The following CPLX1 variants were observed in gnomAD, a reference collection of about 807,000 sequenced individuals.
CPLX1 encodes the protein complexin-1.
CPLX1 carries 6 observed loss-of-function variants against 15.6 expected under a neutral mutation model. The observed-to-expected ratio is 0.39, with a 90% CI of 0.21 to 0.76. The LOEUF (loss-of-function observed/expected upper bound fraction) is 0.76, where lower values mean the gene tolerates loss of function less well. Ranked by LOEUF, CPLX1 falls within the 30% of genes least tolerant of loss-of-function variation. The pLI is 0.43. For synonymous variants in CPLX1, 91 were observed against 75.2 expected (o/e 1.21, Z -1.08); for missense variants, 242 against 188.6 (o/e 1.28, Z -1.66).
intron 2 of CPLX1, among the ~76,000 whole-genome samples, chr4:821,446 G>A (rs1746861204): frequency 6.6e-6 from 1 of 152,192 alleles, no homozygotes; most frequent in Non-Finnish European, 1.5e-5. Flanking sequence ...CCGAGGACCT[G>A]AGCGTGTTTA....
rs1746867143 is a variant in CPLX1 at position 821,756 on chromosome 4, C to A, written c.31+2736G>T. On this transcript the variant is annotated intron_variant, in intron 2 of 3. Coordinates refer to ENST00000304062, the MANE Select transcript of CPLX1 (RefSeq NM_006651.4). The stretch of plus-strand genomic sequence containing the variant: ...CCTCCCGCTCCCCCACGAGCGATCA[C>A]CCCGGCAGCCACCATGCTCCCTTCC... Among the ~76,000 whole-genome samples the A allele has an allele frequency of 5.3e-5, 8 of 152,228 alleles. No homozygotes were observed. The South Asian group carries it at 1.7e-3, about 31-fold the overall frequency.
At chr4:825,512 G>A (rs1037958503) in intron 1 of CPLX1, among the ~76,000 whole-genome samples, 1 of 151,814 alleles carries the variant, frequency 6.6e-6, no homozygotes, top group Non-Finnish European at 1.5e-5. Context: ...GCCGGGCCCC[G>A]CAGACCCGCA....
At chr4:808,073 C>G (rs1182402328) in intron 2 of CPLX1, among the ~76,000 whole-genome samples, 1 of 151,996 alleles carries the variant, frequency 6.6e-6, no homozygotes, top group African/African-American at 2.4e-5. Flanking sequence ...CAAGATCAGT[C>G]TGGGTAACAT....
intron 2 of CPLX1, among the ~76,000 whole-genome samples, chr4:805,181 G>A (rs1746534803): frequency 6.6e-6 from 1 of 152,246 alleles, no homozygotes; most frequent in South Asian, 2.1e-4. Context: ...AGAGCCACAG[G>A]CAGACAAACG....
chr4:802,182 C>A (rs1348731270), intron 2 of CPLX1, among the ~76,000 whole-genome samples: 3 of 152,252 alleles, frequency 2.0e-5, no homozygotes, highest in Non-Finnish European at 4.4e-5. Flanking sequence ...AATAGACAAA[C>A]TGTGGTATGT....
At chr4:787,119 G>A (rs1746021168) in intron 3 of CPLX1, 1 of 985,424 alleles carries the variant, frequency 1.0e-6, no homozygotes, top group African/African-American at 1.7e-5. Flanking sequence ...CTCCTGCCCA[G>A]TGCCTGGTCC....
chr4:823,928 C>T (rs373135364), intron 2 of CPLX1, among the ~76,000 whole-genome samples: 8 of 152,366 alleles, frequency 5.3e-5, no homozygotes, highest in South Asian at 2.1e-4. Flanking sequence ...CAAGCTGTTT[C>T]GGGCCTTTTC....
intron 3 of CPLX1, among the ~76,000 whole-genome samples, chr4:790,134 A>T (rs1746127077): frequency 6.6e-6 from 1 of 152,048 alleles, no homozygotes; most frequent in Admixed American, 6.5e-5. Flanking sequence ...TCTGTGGAGG[A>T]GGACTCTGTG....
At chr4:824,450 A>T in intron 2 of CPLX1, 42 bp downstream of exon 2, 1 of 1,574,202 alleles carries the variant, frequency 6.4e-7, no homozygotes, top group Non-Finnish European at 8.7e-7. Context: ...TGGTCTCTCC[A>T]TGTCCCCTCA....
chr4:790,719 T>G (rs886267438), intron 3 of CPLX1, among the ~76,000 whole-genome samples: 9 of 152,184 alleles, frequency 5.9e-5, no homozygotes, highest in African/African-American at 1.9e-4. Context: ...GACCCACACA[T>G]AGCCCTCCCA....
intron 2 of CPLX1, among the ~76,000 whole-genome samples, chr4:815,137 G>C (rs1011279028): frequency 6.6e-6 from 1 of 152,212 alleles, no homozygotes; most frequent in African/African-American, 2.4e-5. Flanking sequence ...GGGGTCAGGC[G>C]TGGTGGCTCA....
intron 2 of CPLX1, among the ~76,000 whole-genome samples, chr4:821,892 C>T (rs1055361671): frequency 1.1e-4 from 16 of 152,156 alleles, no homozygotes; most frequent in African/African-American, 3.6e-4. Flanking sequence ...CAGCCTGCCG[C>T]GGACAGCCCC....
intron 2 of CPLX1, among the ~76,000 whole-genome samples, chr4:817,865 T>A (rs938013856): frequency 1.3e-5 from 2 of 151,614 alleles, no homozygotes; most frequent in African/African-American, 4.9e-5. Flanking sequence ...TGAGGGGAGG[T>A]CCTGTGGGCA....
chr4:818,767 C>T (rs1249893561), intron 2 of CPLX1, among the ~76,000 whole-genome samples: 1 of 152,276 alleles, frequency 6.6e-6, no homozygotes, highest in Non-Finnish European at 1.5e-5. Flanking sequence ...TGTCTCCACG[C>T]ATCCTCTCCT....
At chr4:824,905 C>CA (rs1184472719) in intron 1 of CPLX1, 3 of 416,364 alleles carry the variant, frequency 7.2e-6, no homozygotes. Flanking sequence ...GGGCGGGGCC[C>CA]AGGGGGCGTT....
chr4:797,294 C>A (rs556109756), intron 2 of CPLX1, among the ~76,000 whole-genome samples: 1 of 152,274 alleles, frequency 6.6e-6, no homozygotes, highest in South Asian at 2.1e-4. Context: ...GCAGTCAGCT[C>A]GGAGCTGCAG....
chr4:810,195 G>C (rs781216350), intron 2 of CPLX1, among the ~76,000 whole-genome samples: 1 of 151,932 alleles, frequency 6.6e-6, no homozygotes, highest in South Asian at 2.1e-4. Context: ...GATTACAGGC[G>C]CCTGCAACCA....
At chr4:820,822 G>A (rs1011453414) in intron 2 of CPLX1, among the ~76,000 whole-genome samples, 3 of 121,352 alleles carry the variant, frequency 2.5e-5, no homozygotes, top group African/African-American at 5.7e-5. Flanking sequence ...CCAGCCTCGC[G>A]TGAACCCCCA....
intron 2 of CPLX1, among the ~76,000 whole-genome samples, chr4:818,619 G>C (rs1183205924): frequency 1.3e-5 from 2 of 152,282 alleles, no homozygotes; most frequent in African/African-American, 4.8e-5. Context: ...GCCGAGGCCA[G>C]GAAAGCCGCG....
Sources: gnomAD v4.1 joint callset for allele counts (sites outside exome capture counted in the v4.1 genomes callset) on GRCh38, gnomAD v4.1.1 for gene constraint, MANE v1.5 for transcripts, NCBI Gene and HGNC (gene_info 2026-07-23, HGNC 2026-07-21) for gene names.